The following TSNARE1 variants were observed in gnomAD, a reference collection of about 807,000 sequenced individuals.
TSNARE1 encodes the protein t-SNARE domain containing 1.
A neutral mutation model predicts 62.0 loss-of-function variants in TSNARE1; 49 were observed. The observed-to-expected ratio is 0.79, with a 90% confidence interval of 0.63 to 1.00. The LOEUF is 1.00. Ranked by LOEUF, TSNARE1 falls within the 50% of genes least tolerant of loss-of-function variation. The probability of loss-of-function intolerance (pLI) is 0.00; values close to 1 mark genes in which losing one functional copy is unlikely to be tolerated. For synonymous variants in TSNARE1, 328 were observed against 294.4 expected (o/e 1.11, Z -1.17); for missense variants, 755 against 700.1 (o/e 1.08, Z -0.88).
Position 142,318,628 on chromosome 8 carries a change from C to T in TSNARE1, c.900G>A (p.Thr300=), listed in dbSNP as rs143756233. 61 of 1,613,622 alleles carry T rather than the reference C, an allele frequency of 3.8e-5. No individual in the cohort carries two copies. The highest frequency in any genetic ancestry group is 4.8e-5 in the Non-Finnish European group (57 of 1,179,986). The change falls in exon 7 of 14, where the codon ACG becomes ACA. Residue 300 remains threonine, a synonymous_variant. Coordinates refer to ENST00000524325, the MANE Select transcript of TSNARE1 (RefSeq NM_145003.5). Reference sequence around the variant, plus strand: ...TGGTCTTGTTGGTCTCCTGCTGTGCCGTGTGCCTGGGGGCCGAGAAGGAGC... The same window carrying T: ...TGGTCTTGTTGGTCTCCTGCTGTGCTGTGTGCCTGGGGGCCGAGAAGGAGC... ...DTQELRDSLH[T]AQQETNKTIA...
chr8:142,334,096 C>CT (rs991074999), intron 4 of TSNARE1, among the ~76,000 whole-genome samples: 1 of 152,264 alleles, frequency 6.6e-6, no homozygotes, highest in African/African-American at 2.4e-5. Flanking sequence ...ATGGTCTATA[C>CT]TTGTGCCAAT....
chr8:142,308,599 TGGGCTGGTGTGTCCAC>T (rs1174558193), intron 9 of TSNARE1, among the ~76,000 whole-genome samples: 6 of 152,058 alleles, frequency 3.9e-5, no homozygotes, highest in Non-Finnish European at 2.9e-5. Context: ...GGTGTGTCCG[TGGGCTGGTGTGTCCAC>T]GGGCTGGTGT....
At chr8:142,392,645 T>A (rs1432500323) in intron 1 of TSNARE1, among the ~76,000 whole-genome samples, 1 of 152,058 alleles carries the variant, frequency 6.6e-6, no homozygotes, top group Non-Finnish European at 1.5e-5. Flanking sequence ...TGTGAGAAAC[T>A]CACAAGAGGC....
chr8:142,388,112 C>A (rs938744014), intron 1 of TSNARE1, among the ~76,000 whole-genome samples: 1 of 151,996 alleles, frequency 6.6e-6, no homozygotes, highest in African/African-American at 2.4e-5. Flanking sequence ...TTAGCAACTT[C>A]GTTTGTATAA....
At chr8:142,276,286 A>G in intron 11 of TSNARE1, 1 of 985,378 alleles carries the variant, frequency 1.0e-6, no homozygotes, top group South Asian at 4.7e-5. Context: ...TCTGCTCTCT[A>G]TGTCCTGCCA....
At chr8:142,393,480 G>A (rs375149874) in intron 1 of TSNARE1, among the ~76,000 whole-genome samples, 48 of 152,354 alleles carry the variant, frequency 3.2e-4, no homozygotes, top group African/African-American at 1.1e-3. Flanking sequence ...AGCTACCACG[G>A]GGAAAACTGG....
intron 9 of TSNARE1, among the ~76,000 whole-genome samples, chr8:142,312,371 C>T (rs1298523505): frequency 5.3e-5 from 8 of 152,116 alleles, no homozygotes; most frequent in Non-Finnish European, 7.4e-5. Context: ...TGGCTTAAAT[C>T]CCAAACACTG....
intron 1 of TSNARE1, among the ~76,000 whole-genome samples, chr8:142,355,670 C>T (rs1021435561): frequency 2.0e-5 from 3 of 152,214 alleles, no homozygotes; most frequent in African/African-American, 7.2e-5. Context: ...AATGCTATCA[C>T]TACGGAACCT....
At chr8:142,252,264 G>A (rs1383104280) in intron 12 of TSNARE1, among the ~76,000 whole-genome samples, 1 of 152,206 alleles carries the variant, frequency 6.6e-6, no homozygotes, top group African/African-American at 2.4e-5. Context: ...ATCTTCTTAA[G>A]CAGGCCTACA....
intron 6 of TSNARE1, among the ~76,000 whole-genome samples, chr8:142,324,953 G>A (rs544933791): frequency 3.3e-5 from 5 of 152,366 alleles, no homozygotes; most frequent in Admixed American, 2.6e-4. Context: ...TGATTTCCTG[G>A]TTCCTGCCCT....
rs1305893701 is a variant in TSNARE1 at position 142,272,807 on chromosome 8, G to A, written c.1446+1974C>T. On this transcript the variant is annotated intron_variant, in intron 12 of 13. Coordinates refer to ENST00000524325, the MANE Select transcript of TSNARE1 (RefSeq NM_145003.5). ...CACCTGGTCCCTCCTGACACACCGT[G>A]GGGAGGGCCCCTCGCAGGCGGGAAC... 2.1e-5 allele frequency: 21 copies of A among 980,130 alleles called. No homozygotes were observed. The African/African-American group carries it at 3.8e-4, about 18-fold the overall frequency. 60.7% of individuals were successfully genotyped at this position (980,130 alleles called of 1,614,324 possible).
chr8:142,340,607 A>C (rs1206793447), intron 4 of TSNARE1, among the ~76,000 whole-genome samples: 1 of 149,590 alleles, frequency 6.7e-6, no homozygotes, highest in Non-Finnish European at 1.5e-5. Context: ...CTATTATGTC[A>C]ATAAAGAAAG....
intron 13 of TSNARE1, among the ~76,000 whole-genome samples, chr8:142,222,103 C>CTTCACTCACTCGTCCACTCATTT (rs1554623956): frequency 9.1e-5 from 1 of 10,948 alleles, no homozygotes; most frequent in African/African-American, 5.7e-4. Context: ...TCATCCACTC[C>CTTCACTCACTCGTCCACTCATTT]ACTCACTCAT....
intron 12 of TSNARE1, among the ~76,000 whole-genome samples, chr8:142,254,060 A>G (rs553044008): frequency 1.7e-4 from 26 of 152,380 alleles, no homozygotes; most frequent in Non-Finnish European, 3.2e-4. Flanking sequence ...TTAGAGAGCA[A>G]TAAAATGCTC....
At chr8:142,242,013 C>G (rs1019062375) in intron 12 of TSNARE1, among the ~76,000 whole-genome samples, 3 of 151,564 alleles carry the variant, frequency 2.0e-5, no homozygotes, top group Non-Finnish European at 2.9e-5. Flanking sequence ...ATACAACAAT[C>G]AACTCAAAAT....
At chr8:142,366,565 G>C (rs1835564022) in intron 1 of TSNARE1, among the ~76,000 whole-genome samples, 2 of 152,156 alleles carry the variant, frequency 1.3e-5, no homozygotes, top group Non-Finnish European at 2.9e-5. Flanking sequence ...TTTCTCTACA[G>C]ATGTTAAAAA....
At chr8:142,372,196 C>A (rs1416606911) in intron 1 of TSNARE1, among the ~76,000 whole-genome samples, 1 of 152,172 alleles carries the variant, frequency 6.6e-6, no homozygotes, top group Non-Finnish European at 1.5e-5. Flanking sequence ...GACTGAAAGA[C>A]CCACCACGGG....
intron 11 of TSNARE1, chr8:142,277,196 G>T (rs1416608502): frequency 1.0e-6 from 1 of 985,244 alleles, no homozygotes; most frequent in Admixed American, 6.1e-5. Context: ...AACACAGGGG[G>T]TGCTCCACGG....
chr8:142,370,850 A>AC (rs1393157096), intron 1 of TSNARE1, among the ~76,000 whole-genome samples: 7 of 148,702 alleles, frequency 4.7e-5, no homozygotes, highest in Admixed American at 2.7e-4. Flanking sequence ...ACAAAAAACA[A>AC]AAAAAAAAAA....
Sources: allele counts gnomAD v4.1 joint callset (sites outside exome capture counted in the v4.1 genomes callset), GRCh38; gene constraint gnomAD v4.1.1; transcripts MANE v1.5; gene names NCBI Gene and HGNC (gene_info 2026-07-23, HGNC 2026-07-21).